The following FBXL13 variants were observed in gnomAD, a reference collection of about 807,000 sequenced individuals.
The protein encoded by FBXL13 is F-box and leucine-rich repeat protein 13.
FBXL13 carries 67 observed loss-of-function variants against 83.6 expected under a neutral mutation model. The ratio of observed to expected loss-of-function variants is 0.80; its 90% CI spans 0.66 to 0.98. The LOEUF (loss-of-function observed/expected upper bound fraction) is 0.98. FBXL13 is among the 50% of genes least tolerant of loss of function. The pLI, the probability that FBXL13 is intolerant of heterozygous loss-of-function variation, is 0.00. For missense variants in FBXL13, 822 were observed against 866.5 expected, an observed-to-expected ratio of 0.95 and a Z score of 0.64; for synonymous variants, 272 against 299.5, an observed-to-expected ratio of 0.91 and a Z score of 0.95.
chr7:102,942,292 T>C (rs776510100), intron 8 of FBXL13: 1 of 1,598,446 alleles, frequency 6.3e-7, no homozygotes, highest in Non-Finnish European at 8.5e-7. Context: ...TATTTCAGGG[T>C]CTTTGAGATG....
intron 1 of FBXL13, among the ~76,000 whole-genome samples, chr7:103,068,362 G>C (rs1798594492): frequency 6.6e-6 from 1 of 152,160 alleles, no homozygotes. Context: ...GAAATGGGGA[G>C]CCAAGGAAGA....
rs183997264 is a variant in FBXL13 at position 102,909,741 on chromosome 7, G to A, written c.1008+3345C>T. On this transcript the variant is annotated intron_variant, in intron 11 of 19. Transcript: ENST00000313221. ...ACTCTAACTGGTGCCCTATCCTGCC[G>A]TGGCTGAGCTGGTATCCAAGATGCA... Among the ~76,000 whole-genome samples, 530 of 152,230 alleles carry A rather than the reference G, an allele frequency of 3.5e-3. 2 individuals are homozygous for A. Among genetic ancestry groups the A allele is most frequent in the Middle Eastern group, 0.01 (3 of 294 alleles).
intron 8 of FBXL13, among the ~76,000 whole-genome samples, chr7:102,952,924 C>T (rs1205548676): frequency 6.6e-6 from 1 of 152,088 alleles, no homozygotes; most frequent in Admixed American, 6.6e-5. Flanking sequence ...GCAGAGGTTC[C>T]AGTGAGCCAA....
chr7:103,058,722 A>G (rs934281829), intron 1 of FBXL13, among the ~76,000 whole-genome samples: 1 of 152,246 alleles, frequency 6.6e-6, no homozygotes, highest in Non-Finnish European at 1.5e-5. Flanking sequence ...ATTCCTATGC[A>G]TACTGATGTC....
At chr7:103,036,224 CCAGTCT>C (rs1795053905) in intron 2 of FBXL13, among the ~76,000 whole-genome samples, 1 of 152,152 alleles carries the variant, frequency 6.6e-6, no homozygotes, top group Non-Finnish European at 1.5e-5. Flanking sequence ...TTCCACAAAA[CCAGTCT>C]CTGGTACCAA....
intron 17 of FBXL13, among the ~76,000 whole-genome samples, chr7:102,853,148 T>G (rs953843137): frequency 6.6e-6 from 1 of 152,096 alleles, no homozygotes; most frequent in African/African-American, 2.4e-5. Context: ...ATATGAACGA[T>G]GCAATGGATT....
chr7:103,037,138 T>C (rs1371930967), intron 2 of FBXL13, among the ~76,000 whole-genome samples: 1 of 152,230 alleles, frequency 6.6e-6, no homozygotes, highest in East Asian at 1.9e-4. Context: ...GTTCATATCT[T>C]CATTACTTCC....
intron 8 of FBXL13, among the ~76,000 whole-genome samples, chr7:102,962,028 C>T (rs1180924651): frequency 4.6e-5 from 7 of 150,704 alleles, no homozygotes; most frequent in Non-Finnish European, 7.4e-5. Context: ...GCAAAAGAAA[C>T]TACCATCAGA....
chr7:103,063,383 T>C (rs1242689245), intron 1 of FBXL13, among the ~76,000 whole-genome samples: 3 of 152,240 alleles, frequency 2.0e-5, no homozygotes, highest in Non-Finnish European at 4.4e-5. Flanking sequence ...ATTTAAAGTA[T>C]AGAAGAGGAT....
intron 2 of FBXL13, among the ~76,000 whole-genome samples, chr7:103,036,597 C>A (rs1299926973): frequency 6.6e-6 from 1 of 152,130 alleles, no homozygotes; most frequent in East Asian, 1.9e-4. Context: ...ACTGCAATCT[C>A]CACTCCCCGG....
chr7:102,954,966 A>C (rs1443617566), intron 8 of FBXL13, among the ~76,000 whole-genome samples: 1 of 152,194 alleles, frequency 6.6e-6, no homozygotes, highest in East Asian at 1.9e-4. Flanking sequence ...CCCCACTGTC[A>C]ATATTAGATA....
In FBXL13 at chr7:102,832,401, GA is replaced by G. The variant is rs1430474962; in HGVS notation, c.1854+438del. Among the ~76,000 whole-genome samples the G allele has an allele frequency of 3.9e-5, 6 of 152,148 alleles. 1 individual carries two copies. The highest frequency in any genetic ancestry group is 2.0e-4 in the Admixed American group (3 of 15,270). Reference sequence around the variant, plus strand: ...TATATGTTGTTATATTTTTGTCCAGGAAAGATGCAAATTATTTGTATCTGGT... The same window carrying G: ...TATATGTTGTTATATTTTTGTCCAGGAAGATGCAAATTATTTGTATCTGGT... On this transcript the variant is annotated intron_variant, in intron 18 of 19. Coordinates refer to ENST00000313221, the Ensembl canonical transcript of FBXL13.
chr7:103,060,208 A>T (rs1289374253), intron 1 of FBXL13, among the ~76,000 whole-genome samples: 1 of 150,986 alleles, frequency 6.6e-6, no homozygotes, highest in East Asian at 2.0e-4. Context: ...TACAGGCATG[A>T]GCCCCCAAAC....
chr7:103,026,633 G>T (rs986664713), intron 5 of FBXL13, among the ~76,000 whole-genome samples: 1 of 152,180 alleles, frequency 6.6e-6, no homozygotes, highest in Non-Finnish European at 1.5e-5. Flanking sequence ...GATGCTTAAA[G>T]CTCAGCACAG....
chr7:102,830,845 CCTT>C (rs1290870207), intron 18 of FBXL13, among the ~76,000 whole-genome samples: 1 of 152,318 alleles, frequency 6.6e-6, no homozygotes, highest in Non-Finnish European at 1.5e-5. Flanking sequence ...TAGTTTTCTT[CCTT>C]CTTCATATTT....
intron 1 of FBXL13, among the ~76,000 whole-genome samples, chr7:103,059,176 T>A (rs1797622606): frequency 6.6e-6 from 1 of 151,702 alleles, no homozygotes; most frequent in Admixed American, 6.6e-5. Flanking sequence ...AGGTGGGAGG[T>A]GGGAGGTGGG....
chr7:102,834,055 A>G (rs1801218166), intron 17 of FBXL13, among the ~76,000 whole-genome samples: 1 of 113,556 alleles, frequency 8.8e-6, no homozygotes, highest in African/African-American at 4.0e-5. Flanking sequence ...GAAGGAAGGA[A>G]GGAAGGAAGG....
intron 16 of FBXL13, among the ~76,000 whole-genome samples, chr7:102,876,669 C>A (rs1173586083): frequency 1.3e-5 from 2 of 152,088 alleles, no homozygotes; most frequent in African/African-American, 4.8e-5. Flanking sequence ...TGCTTGCCTG[C>A]AAGGTAGGGC....
chr7:102,867,464 C>T (rs923807927), intron 16 of FBXL13, among the ~76,000 whole-genome samples: 1 of 151,626 alleles, frequency 6.6e-6, no homozygotes, highest in African/African-American at 2.4e-5. Flanking sequence ...GATGGGGAAA[C>T]AAGAACACAG....
Sources: allele counts gnomAD v4.1 joint callset (sites outside exome capture counted in the v4.1 genomes callset), GRCh38; gene constraint gnomAD v4.1.1; transcripts MANE v1.5; gene names NCBI Gene and HGNC (gene_info 2026-07-23, HGNC 2026-07-21).